SENP7: variants seen among roughly 807,000 people sequenced by gnomAD.
SENP7 encodes the protein sentrin-specific protease 7.
Under a neutral mutation model 141.2 loss-of-function variants are expected in SENP7, and 64 were observed. The ratio of observed to expected loss-of-function variants is 0.45; its 90% CI spans 0.37 to 0.56. SENP7 has a LOEUF of 0.56. Ranked by LOEUF, SENP7 falls within the 20% of genes least tolerant of loss-of-function variation. The pLI is 0.00. For synonymous variants in SENP7, 382 were observed against 426.4 expected (o/e 0.90, Z 1.28); for missense variants, 1,025 against 1,212.2 (o/e 0.85, Z 2.29).
intron 14 of SENP7, among the ~76,000 whole-genome samples, chr3:101,342,841 T>C (rs1010803241): frequency 1.1e-4 from 16 of 152,064 alleles, no homozygotes; most frequent in Admixed American, 2.6e-4. Context: ...AATTTTTGTA[T>C]TTTTAGTAGA....
intron 4 of SENP7, among the ~76,000 whole-genome samples, chr3:101,452,923 CAGGCA>C (rs1300091848): frequency 6.6e-6 from 1 of 152,144 alleles, no homozygotes; most frequent in African/African-American, 2.4e-5. Flanking sequence ...TCAGAGTGAA[CAGGCA>C]ACCTACAGAA....
chr3:101,488,851 A>G (rs1023409900), intron 3 of SENP7, among the ~76,000 whole-genome samples: 3 of 152,178 alleles, frequency 2.0e-5, no homozygotes, highest in Non-Finnish European at 4.4e-5. Flanking sequence ...GCCAAGGCAC[A>G]TCGTCATCAA....
intron 4 of SENP7, 122 bp from the exon 5 acceptor site, chr3:101,417,912 C>G: frequency 1.4e-6 from 1 of 737,004 alleles, no homozygotes; most frequent in Non-Finnish European, 2.2e-6. Context: ...ATAGTAAATA[C>G]CCTAAGAAAA....
At chr3:101,405,874 A>G (rs561545153) in intron 5 of SENP7, among the ~76,000 whole-genome samples, 6 of 152,156 alleles carry the variant, frequency 3.9e-5, no homozygotes, top group African/African-American at 1.4e-4. Flanking sequence ...CAATCCAACA[A>G]AGACAAAGAA....
rs1368619911 is a variant in SENP7, at chr3:101,375,376, C to CT, written c.678-3251dup. On this transcript the variant is annotated intron_variant, in intron 6 of 23. Transcript: ENST00000394095. Reference sequence around the variant, plus strand: ...TTTCCAACATGGAGAAACTCCGTCTCTACTACTAATACAAAAATTAGCCAG... The same window carrying CT: ...TTTCCAACATGGAGAAACTCCGTCTCTTACTACTAATACAAAAATTAGCCAG... Among the ~76,000 whole-genome samples the CT allele has an allele frequency of 2.0e-5, 3 of 152,014 alleles. No individual in the cohort carries two copies. The South Asian group carries it at 6.2e-4, about 32-fold the overall frequency.
At chr3:101,454,311 A>G (rs2063268250) in intron 4 of SENP7, among the ~76,000 whole-genome samples, 1 of 152,220 alleles carries the variant, frequency 6.6e-6, no homozygotes, top group South Asian at 2.1e-4. Flanking sequence ...CAGGAGTTCA[A>G]GACCAGCCTG....
intron 4 of SENP7, among the ~76,000 whole-genome samples, chr3:101,418,050 C>A (rs2061678115): frequency 6.6e-6 from 1 of 152,190 alleles, no homozygotes. Flanking sequence ...AGCTGCTAGA[C>A]TCCTGGCAAT....
At chr3:101,334,987 C>T (rs185117783) in intron 17 of SENP7, among the ~76,000 whole-genome samples, 2 of 152,196 alleles carry the variant, frequency 1.3e-5, no homozygotes, top group African/African-American at 2.4e-5. Flanking sequence ...TTCCAAGCAC[C>T]GAGCAAGGTA....
chr3:101,436,770 G>A (rs1195657135), intron 4 of SENP7, among the ~76,000 whole-genome samples: 1 of 152,180 alleles, frequency 6.6e-6, no homozygotes, highest in African/African-American at 2.4e-5. Context: ...CCAAAAAACA[G>A]GCAATAACAA....
intron 4 of SENP7, among the ~76,000 whole-genome samples, chr3:101,428,004 T>C (rs1453677986): frequency 1.3e-5 from 2 of 152,208 alleles, no homozygotes; most frequent in African/African-American, 4.8e-5. Flanking sequence ...GTTTCATCCA[T>C]GTCCTGGCAA....
At chr3:101,480,845 A>G (rs1319278156) in intron 3 of SENP7, among the ~76,000 whole-genome samples, 2 of 152,238 alleles carry the variant, frequency 1.3e-5, no homozygotes, top group East Asian at 3.9e-4. Context: ...TAAAAGACAT[A>G]CAAATGGCCA....
intron 4 of SENP7, among the ~76,000 whole-genome samples, chr3:101,456,596 T>G (rs1006351662): frequency 6.6e-6 from 1 of 152,170 alleles, no homozygotes; most frequent in African/African-American, 2.4e-5. Flanking sequence ...TATCTTTTTA[T>G]GCTAGGCTGA....
At chr3:101,471,538 C>T (rs188713114) in intron 3 of SENP7, among the ~76,000 whole-genome samples, 53 of 152,254 alleles carry the variant, frequency 3.5e-4, no homozygotes, top group Non-Finnish European at 7.6e-4. Context: ...AGACCTAAAA[C>T]CATAAAAACC....
chr3:101,435,241 A>C (rs1419166586), intron 4 of SENP7, among the ~76,000 whole-genome samples: 5 of 148,622 alleles, frequency 3.4e-5, no homozygotes, highest in Non-Finnish European at 7.5e-5. Flanking sequence ...TAAAAAAAAA[A>C]CTGAGAATAA....
intron 4 of SENP7, among the ~76,000 whole-genome samples, chr3:101,424,581 C>A (rs1225400884): frequency 6.6e-6 from 1 of 152,074 alleles, no homozygotes; most frequent in Non-Finnish European, 1.5e-5. Flanking sequence ...CTTCCCCCCA[C>A]ACTGAGCAAC....
chr3:101,489,305 A>G (rs978957623), intron 3 of SENP7, among the ~76,000 whole-genome samples: 1 of 152,208 alleles, frequency 6.6e-6, no homozygotes, highest in Non-Finnish European at 1.5e-5. Context: ...AAAATCTCAC[A>G]TATCAATACT....
rs200753653 is a variant in SENP7 at position 101,343,873 on chromosome 3, G to A, written c.1919C>T (p.Thr640Met). 1.7e-5 allele frequency: 27 copies of A among 1,612,656 alleles called. No homozygotes were observed. Among genetic ancestry groups the A allele is most frequent in the Admixed American group, 1.0e-4 (6 of 59,914 alleles). ...TTCTCCACTGATTATACTTATTTCCGTCATAATATCTTTCAGCTTCAATTC... is the reference window on the plus strand; with the variant it reads ...TTCTCCACTGATTATACTTATTTCCATCATAATATCTTTCAGCTTCAATTC... ...REELKLKDIM[T>M]EISIISGELE... Residue 640 changes from threonine (T) to methionine (M), a missense_variant, in exon 14 of 24, where the codon ACG becomes ATG. Physicochemically the swap from Thr to Met is moderately conservative, Grantham distance 81. This residue lies in a region of SENP7 where 228 missense variants were observed against 228.5 expected (regional missense o/e 1.00). Transcript: ENST00000394095.
intron 23 of SENP7, among the ~76,000 whole-genome samples, chr3:101,327,152 C>G (rs2058923324): frequency 6.6e-6 from 1 of 151,962 alleles, no homozygotes; most frequent in Admixed American, 6.6e-5. Flanking sequence ...TCTGGATCAC[C>G]TGTGGTTCTA....
intron 23 of SENP7, among the ~76,000 whole-genome samples, chr3:101,326,515 A>T (rs1160026459): frequency 6.6e-6 from 1 of 152,182 alleles, no homozygotes; most frequent in Non-Finnish European, 1.5e-5. Context: ...CTTCTGGTCA[A>T]AAACATTCTG....
Sources: allele counts gnomAD v4.1 joint callset (sites outside exome capture counted in the v4.1 genomes callset), GRCh38; gene constraint gnomAD v4.1.1; regional missense constraint gnomAD v4.1.1; transcripts MANE v1.5; gene names NCBI Gene and HGNC (gene_info 2026-07-23, HGNC 2026-07-21).